Variants in FARS2 observed in about 807,000 individuals in gnomAD.
FARS2 encodes the protein phenylalanine--tRNA ligase, mitochondrial.
A neutral mutation model predicts 46.4 loss-of-function variants in FARS2; 40 were observed. The ratio of observed to expected loss-of-function variants is 0.86; its 90% CI spans 0.67 to 1.12. The LOEUF (loss-of-function observed/expected upper bound fraction) is 1.12, where lower values mean the gene tolerates loss of function less well. Among genes scored for constraint, FARS2 ranks in the 50% most tolerant of loss-of-function variants. The pLI, the probability that FARS2 is intolerant of heterozygous loss-of-function variation, is 0.00. For missense variants in FARS2, 513 were observed against 567.9 expected, an observed-to-expected ratio of 0.90 and a Z score of 0.98; for synonymous variants, 234 against 214.9, an observed-to-expected ratio of 1.09 and a Z score of -0.78.
In FARS2 at chr6:5,605,675, G is replaced by T. The variant is rs546776116; in HGVS notation, c.1066-7494G>T. On this transcript the variant is annotated intron_variant, in intron 5 of 6. Transcript: ENST00000274680. The stretch of plus-strand genomic sequence containing the variant: ...CCACGTGAGGAACTCTGACCTTGGG[G>T]TGTCAGCCATCCAAATCAGCAATCA... Among the ~76,000 whole-genome samples the T allele has an allele frequency of 9.2e-5, 14 of 152,292 alleles. No individual in the cohort carries two copies. In the East Asian group the frequency reaches 2.7e-3, roughly 29 times the overall value.
At chr6:5,279,557 TGTG>T (rs1766581966) in intron 1 of FARS2, among the ~76,000 whole-genome samples, 2 of 142,588 alleles carry the variant, frequency 1.4e-5, no homozygotes, top group Admixed American at 6.9e-5. Context: ...AAAATATAAA[TGTG>T]TGTGTGTGTG....
chr6:5,398,775 C>A (rs1761054023), intron 2 of FARS2, among the ~76,000 whole-genome samples: 1 of 152,140 alleles, frequency 6.6e-6, no homozygotes, highest in Non-Finnish European at 1.5e-5. Context: ...CCACATGGCT[C>A]ATTCTAGCCC....
intron 3 of FARS2, among the ~76,000 whole-genome samples, chr6:5,408,406 G>A (rs1203351569): frequency 6.6e-6 from 1 of 152,178 alleles, no homozygotes; most frequent in Non-Finnish European, 1.5e-5. Flanking sequence ...GAGCAAGCAT[G>A]ATGCAGCACA....
chr6:5,409,228 A>G (rs1761791095), intron 3 of FARS2, among the ~76,000 whole-genome samples: 1 of 152,268 alleles, frequency 6.6e-6, no homozygotes, highest in East Asian at 1.9e-4. Context: ...AGTTGGGTAG[A>G]TCATGAGGTC....
chr6:5,771,268 C>G, intron 6 of FARS2, 23 bp from the exon 7 acceptor site: 1 of 1,613,902 alleles, frequency 6.2e-7, no homozygotes, highest in Non-Finnish European at 8.5e-7. Flanking sequence ...CCGCACTCAC[C>G]TGTGTTCTCT....
intron 1 of FARS2, among the ~76,000 whole-genome samples, chr6:5,365,940 A>G (rs1166388746): frequency 6.6e-6 from 1 of 152,166 alleles, no homozygotes; most frequent in Non-Finnish European, 1.5e-5. Context: ...TCTTATCTTC[A>G]TGTTGAGTAG....
At chr6:5,272,738 A>C (rs1328155518) in intron 1 of FARS2, among the ~76,000 whole-genome samples, 2 of 152,188 alleles carry the variant, frequency 1.3e-5, no homozygotes, top group African/African-American at 4.8e-5. Flanking sequence ...CCGGTGATCC[A>C]TCAGACACTA....
chr6:5,442,932 T>C (rs1582117920), intron 4 of FARS2, among the ~76,000 whole-genome samples: 1 of 152,236 alleles, frequency 6.6e-6, no homozygotes, highest in Non-Finnish European at 1.5e-5. Flanking sequence ...GTGGTATCTG[T>C]CTACATTTCT....
At chr6:5,625,802 C>T (rs1776002024) in intron 6 of FARS2, among the ~76,000 whole-genome samples, 1 of 152,210 alleles carries the variant, frequency 6.6e-6, no homozygotes, top group African/African-American at 2.4e-5. Context: ...AGGCTGCCCG[C>T]CTGCCCTGAT....
At chr6:5,642,910 C>G (rs1776893124) in intron 6 of FARS2, among the ~76,000 whole-genome samples, 1 of 152,190 alleles carries the variant, frequency 6.6e-6, no homozygotes, top group Admixed American at 6.5e-5. Flanking sequence ...GATCCTGATA[C>G]CCCAGTCCCC....
At chr6:5,586,367 T>C (rs1773612571) in intron 5 of FARS2, among the ~76,000 whole-genome samples, 2 of 152,178 alleles carry the variant, frequency 1.3e-5, no homozygotes. Context: ...ATATGGTTTT[T>C]ATTGTGTCTA....
intron 4 of FARS2, among the ~76,000 whole-genome samples, chr6:5,468,910 G>C (rs892408468): frequency 7.2e-5 from 11 of 152,152 alleles, no homozygotes; most frequent in African/African-American, 2.2e-4. Context: ...TCCGTATCTG[G>C]AATTTGTATC....
intron 4 of FARS2, among the ~76,000 whole-genome samples, chr6:5,477,821 C>A (rs1766211460): frequency 6.6e-6 from 1 of 151,994 alleles, no homozygotes; most frequent in Non-Finnish European, 1.5e-5. Flanking sequence ...GAGGTGAAGA[C>A]CAGCCTGGGC....
chr6:5,414,697 A>T (rs1762119032), intron 3 of FARS2, among the ~76,000 whole-genome samples: 1 of 149,748 alleles, frequency 6.7e-6, no homozygotes, highest in Admixed American at 6.7e-5. Flanking sequence ...GGTTTTGGCT[A>T]TTGCAAATGA....
intron 6 of FARS2, among the ~76,000 whole-genome samples, chr6:5,747,723 T>G (rs1761719006): frequency 6.6e-6 from 1 of 152,198 alleles, no homozygotes; most frequent in Non-Finnish European, 1.5e-5. Context: ...AGTCACTTGT[T>G]GAAACTGTGC....
At chr6:5,323,249 C>T (rs1322827018) in intron 1 of FARS2, among the ~76,000 whole-genome samples, 2 of 152,022 alleles carry the variant, frequency 1.3e-5, no homozygotes, top group Non-Finnish European at 2.9e-5. Context: ...AAAATTTTCC[C>T]TCTCAAAAAA....
At chr6:5,563,403 G>T (rs557329593) in intron 5 of FARS2, among the ~76,000 whole-genome samples, 1 of 152,164 alleles carries the variant, frequency 6.6e-6, no homozygotes, top group African/African-American at 2.4e-5. Flanking sequence ...TCTAATGGAC[G>T]TTATTTGCAT....
At chr6:5,476,239 T>C (rs1160744419) in intron 4 of FARS2, among the ~76,000 whole-genome samples, 1 of 152,204 alleles carries the variant, frequency 6.6e-6, no homozygotes, top group Non-Finnish European at 1.5e-5. Flanking sequence ...ACACCTAGAC[T>C]TCTTGTTTTG....
chr6:5,486,325 G>C (rs1766773420), intron 4 of FARS2, among the ~76,000 whole-genome samples: 1 of 152,200 alleles, frequency 6.6e-6, no homozygotes, highest in Non-Finnish European at 1.5e-5. Flanking sequence ...TAGTTGACCA[G>C]AGAAAGGGAA....
Sources: allele counts gnomAD v4.1 joint callset (sites outside exome capture counted in the v4.1 genomes callset), GRCh38; gene constraint gnomAD v4.1.1; transcripts MANE v1.5; gene names NCBI Gene and HGNC (gene_info 2026-07-23, HGNC 2026-07-21).